Variants in RNF180 observed in about 807,000 individuals in gnomAD.
The protein encoded by RNF180 is E3 ubiquitin-protein ligase RNF180.
A neutral mutation model predicts 59.2 loss-of-function variants in RNF180; 38 were observed. That is an observed-to-expected ratio of 0.64 (90% CI 0.50 to 0.84). The LOEUF is 0.84. Ranked by LOEUF, RNF180 falls within the 40% of genes least tolerant of loss-of-function variation. RNF180 has a pLI of 0.00. For missense variants in RNF180, 705 were observed against 700.9 expected, an observed-to-expected ratio of 1.01 and a Z score of -0.07; for synonymous variants, 262 against 240.3, an observed-to-expected ratio of 1.09 and a Z score of -0.84.
intron 5 of RNF180, among the ~76,000 whole-genome samples, chr5:64,267,609 T>G (rs1030486130): frequency 3.1e-4 from 47 of 152,164 alleles, no homozygotes; most frequent in African/African-American, 1.1e-3. Context: ...GGTGTTTGGT[T>G]TTTTGTTCTT....
chr5:64,193,419 AAT>A (rs1379300502), intron 1 of RNF180, among the ~76,000 whole-genome samples: 1 of 152,146 alleles, frequency 6.6e-6, no homozygotes, highest in Non-Finnish European at 1.5e-5. Flanking sequence ...GTATATATTA[AAT>A]ATATGCAATT....
chr5:64,172,111 G>A (rs1177165011), intron 1 of RNF180, among the ~76,000 whole-genome samples: 2 of 152,116 alleles, frequency 1.3e-5, no homozygotes, highest in Non-Finnish European at 2.9e-5. Flanking sequence ...TTATTGGTAT[G>A]CCTGAAAAAG....
At chr5:64,358,639 A>G (rs994292816) in intron 7 of RNF180, among the ~76,000 whole-genome samples, 1 of 150,384 alleles carries the variant, frequency 6.6e-6, no homozygotes, top group Non-Finnish European at 1.5e-5. Context: ...ACCTTTAAGA[A>G]TTCTATTTTT....
At chr5:64,211,554 A>G (rs1386983159) in intron 2 of RNF180, among the ~76,000 whole-genome samples, 1 of 152,180 alleles carries the variant, frequency 6.6e-6, no homozygotes, top group Non-Finnish European at 1.5e-5. Context: ...ACCTTCCTGC[A>G]TCCGCTGTTT....
intron 7 of RNF180, among the ~76,000 whole-genome samples, chr5:64,367,080 G>T (rs926987542): frequency 6.6e-6 from 1 of 151,434 alleles, no homozygotes; most frequent in Non-Finnish European, 1.5e-5. Context: ...AAGTGCTGAA[G>T]AAAAAAATGG....
chr5:64,325,745 A>T (rs1203871002), intron 6 of RNF180, among the ~76,000 whole-genome samples: 2 of 152,110 alleles, frequency 1.3e-5, no homozygotes, highest in Non-Finnish European at 2.9e-5. Flanking sequence ...ACTACCCCTT[A>T]TTCTTTGGTT....
intron 5 of RNF180, among the ~76,000 whole-genome samples, chr5:64,245,125 C>T (rs1743072877): frequency 6.6e-6 from 1 of 152,178 alleles, no homozygotes; most frequent in Non-Finnish European, 1.5e-5. Flanking sequence ...GTACCAGCCG[C>T]TGCAAAAACA....
intron 1 of RNF180, among the ~76,000 whole-genome samples, chr5:64,195,218 G>T (rs1751396270): frequency 6.6e-6 from 1 of 152,088 alleles, no homozygotes; most frequent in Admixed American, 6.6e-5. Flanking sequence ...TGTACATATT[G>T]GGGGTAGAGT....
At chr5:64,361,750 T>A (rs1475820868) in intron 7 of RNF180, among the ~76,000 whole-genome samples, 1 of 151,568 alleles carries the variant, frequency 6.6e-6, no homozygotes, top group Non-Finnish European at 1.5e-5. Flanking sequence ...TAAAAGTGAA[T>A]TCCTGATGCA....
intron 7 of RNF180, among the ~76,000 whole-genome samples, chr5:64,341,267 A>G (rs545695657): frequency 1.3e-5 from 2 of 152,290 alleles, no homozygotes; most frequent in African/African-American, 4.8e-5. Flanking sequence ...TCCCAAAATA[A>G]TGCTTTACCT....
chr5:64,235,491 G>C (rs530250962), intron 5 of RNF180, among the ~76,000 whole-genome samples: 1 of 151,606 alleles, frequency 6.6e-6, no homozygotes, highest in African/African-American at 2.4e-5. Context: ...ATATACATTT[G>C]CCAAGGTAGC....
intron 5 of RNF180, among the ~76,000 whole-genome samples, chr5:64,271,529 A>G (rs930087929): frequency 6.6e-6 from 1 of 152,032 alleles, no homozygotes; most frequent in African/African-American, 2.4e-5. Context: ...CTAGGTGTGT[A>G]GTAGGATATA....
chr5:64,322,479 A>G (rs757827623), intron 5 of RNF180, among the ~76,000 whole-genome samples: 20 of 152,116 alleles, frequency 1.3e-4, no homozygotes, highest in Non-Finnish European at 2.8e-4. Context: ...GCGATTATTA[A>G]AAAGTCAAGA....
At chr5:64,349,321 T>A (rs1156328190) in intron 7 of RNF180, among the ~76,000 whole-genome samples, 2 of 151,934 alleles carry the variant, frequency 1.3e-5, no homozygotes, top group Non-Finnish European at 2.9e-5. Flanking sequence ...TTAACTTCAT[T>A]TTTTTTGTAT....
At chr5:64,241,976 C>A (rs572553279) in intron 5 of RNF180, among the ~76,000 whole-genome samples, 14 of 152,188 alleles carry the variant, frequency 9.2e-5, no homozygotes, top group Non-Finnish European at 2.1e-4. Flanking sequence ...AAACCACCCT[C>A]AAGCTTACAT....
At chr5:64,229,974 A>G (rs944188669) in intron 5 of RNF180, among the ~76,000 whole-genome samples, 3 of 152,218 alleles carry the variant, frequency 2.0e-5, no homozygotes, top group Non-Finnish European at 4.4e-5. Flanking sequence ...TCTTGTCACT[A>G]ATTATACCTT....
chr5:64,199,571 A>G (rs1015960946), intron 1 of RNF180, among the ~76,000 whole-genome samples: 4 of 152,172 alleles, frequency 2.6e-5, no homozygotes, highest in African/African-American at 7.2e-5. Flanking sequence ...CACCTCTGAG[A>G]CAGAAAGAAA....
intron 1 of RNF180, among the ~76,000 whole-genome samples, chr5:64,192,920 T>TAA (rs1376316518): frequency 7.2e-6 from 1 of 139,094 alleles, no homozygotes; most frequent in Non-Finnish European, 1.5e-5. Flanking sequence ...TATATATATA[T>TAA]ATATATATAT....
chr5:64,330,543 A>G (rs770792250), intron 7 of RNF180, 137 bp downstream of exon 7: 15 of 845,740 alleles, frequency 1.8e-5, no homozygotes, highest in Non-Finnish European at 2.6e-5. Context: ...GGATTTTGCT[A>G]AGTATCTCCT....
Sources: gnomAD v4.1 joint callset for allele counts (sites outside exome capture counted in the v4.1 genomes callset) on GRCh38, gnomAD v4.1.1 for gene constraint, MANE v1.5 for transcripts, NCBI Gene and HGNC (gene_info 2026-07-23, HGNC 2026-07-21) for gene names.